The following SYCP1 variants were observed in gnomAD, a reference collection of about 807,000 sequenced individuals.
SYCP1 encodes the protein synaptonemal complex protein 1.
SYCP1 carries 64 observed loss-of-function variants against 153.1 expected under a neutral mutation model. The observed-to-expected ratio is 0.42, with a 90% CI of 0.34 to 0.51. SYCP1 has a LOEUF of 0.51. Among genes scored for constraint, SYCP1 ranks in the 20% least tolerant of loss-of-function variants. SYCP1 has a pLI of 0.06. For missense variants in SYCP1, 997 were observed against 1,049.0 expected, an observed-to-expected ratio of 0.95 and a Z score of 0.68; for synonymous variants, 384 against 341.8, an observed-to-expected ratio of 1.12 and a Z score of -1.36.
chr1:114,859,310 A>G (rs114849469), intron 6 of SYCP1, among the ~76,000 whole-genome samples: 1,622 of 151,440 alleles, frequency 0.011, 28 homozygotes, highest in African/African-American at 0.038. Flanking sequence ...CTGGTCTTGA[A>G]CTCCTAGACC....
At chr1:114,864,685 G>A (rs759375256) in intron 8 of SYCP1, among the ~76,000 whole-genome samples, 4 of 151,576 alleles carry the variant, frequency 2.6e-5, no homozygotes, top group African/African-American at 4.8e-5. Flanking sequence ...ACAGGGTTTC[G>A]CCATGTTGCC....
intron 23 of SYCP1, among the ~76,000 whole-genome samples, chr1:114,932,314 A>G (rs1390053913): frequency 6.6e-6 from 1 of 152,258 alleles, no homozygotes; most frequent in Non-Finnish European, 1.5e-5. Context: ...GACAGATGAC[A>G]TGTATCCAGA....
At chr1:114,895,598 G>A (rs1411652518) in intron 16 of SYCP1, 89 bp downstream of exon 16, 1 of 619,374 alleles carries the variant, frequency 1.6e-6, no homozygotes, top group Non-Finnish European at 2.5e-6. Flanking sequence ...CACTATAGAT[G>A]TTTTATACTA....
intron 11 of SYCP1, 149 bp from the exon 12 acceptor site, chr1:114,877,945 C>A: frequency 2.0e-6 from 1 of 506,020 alleles, no homozygotes; most frequent in Non-Finnish European, 3.6e-6. Flanking sequence ...ACTACATTGG[C>A]TGCCAGGGAG....
intron 16 of SYCP1, among the ~76,000 whole-genome samples, chr1:114,901,593 G>C (rs1477493357): frequency 2.0e-5 from 3 of 152,146 alleles, no homozygotes; most frequent in African/African-American, 4.8e-5. Flanking sequence ...AATGGCAAAG[G>C]CTAGAATAAA....
rs146369737 is a variant in SYCP1, at chr1:114,985,922, A to T, written c.2703+1054A>T. Among the ~76,000 whole-genome samples, 592 of 151,970 alleles carry T rather than the reference A, an allele frequency of 3.9e-3. 7 individuals carry two copies. The highest frequency in any genetic ancestry group is 0.013 in the African/African-American group (544 of 41,544). On this transcript the variant is annotated intron_variant, in intron 30 of 31. Coordinates refer to ENST00000369522, the MANE Select transcript of SYCP1 (RefSeq NM_003176.4). ...CAGGCCAAAAAATTTGAAAAAAAAA[A>T]AAATAAATAACAATTCAGTAGAAAA...
intron 21 of SYCP1, 136 bp downstream of exon 21, chr1:114,923,666 C>A: frequency 1.2e-6 from 1 of 831,910 alleles, no homozygotes; most frequent in Non-Finnish European, 1.7e-6. Flanking sequence ...CAGCCATCAA[C>A]CTTAAATATC....
intron 23 of SYCP1, among the ~76,000 whole-genome samples, chr1:114,934,630 T>C (rs1487277926): frequency 6.6e-6 from 1 of 151,616 alleles, no homozygotes; most frequent in Non-Finnish European, 1.5e-5. Flanking sequence ...GGATAAAGAG[T>C]CAAGACCCAT....
At chr1:114,859,383 G>A (rs766149766) in intron 6 of SYCP1, among the ~76,000 whole-genome samples, 4 of 152,114 alleles carry the variant, frequency 2.6e-5, no homozygotes, top group African/African-American at 4.8e-5. Flanking sequence ...CACTGCTCCC[G>A]GCCGAAACTG....
At chr1:114,917,050 T>G (rs1256707101) in intron 20 of SYCP1, among the ~76,000 whole-genome samples, 4 of 152,110 alleles carry the variant, frequency 2.6e-5, no homozygotes, top group Admixed American at 6.6e-5. Context: ...AAATTATTAT[T>G]GATTATAATC....
chr1:114,871,478 C>A (rs1459717235), intron 8 of SYCP1, among the ~76,000 whole-genome samples: 1 of 151,974 alleles, frequency 6.6e-6, no homozygotes, highest in Non-Finnish European at 1.5e-5. Flanking sequence ...GGCCTCCTCC[C>A]GTCTTTTGTA....
At chr1:114,947,811 C>CAAAAAAAA (rs1174716918) in intron 27 of SYCP1, among the ~76,000 whole-genome samples, 55 of 43,876 alleles carry the variant, frequency 1.3e-3, no homozygotes, top group South Asian at 3.1e-3. Context: ...GACTCCGTCT[C>CAAAAAAAA]AAAAAAAAAA....
intron 30 of SYCP1, among the ~76,000 whole-genome samples, chr1:114,988,410 A>G (rs931161386): frequency 6.6e-6 from 1 of 152,028 alleles, no homozygotes; most frequent in Non-Finnish European, 1.5e-5. Context: ...TGAAAGCAGC[A>G]AGAGAGATGC....
chr1:114,897,079 G>A (rs999729698), intron 16 of SYCP1, among the ~76,000 whole-genome samples: 2 of 152,122 alleles, frequency 1.3e-5, no homozygotes, highest in African/African-American at 4.8e-5. Context: ...CTGGTCGGAG[G>A]TTCTCCGGGG....
intron 16 of SYCP1, among the ~76,000 whole-genome samples, chr1:114,897,660 A>C (rs1667160822): frequency 6.6e-6 from 1 of 152,144 alleles, no homozygotes; most frequent in African/African-American, 2.4e-5. Flanking sequence ...GATAGGAGGA[A>C]AAAGGAAAAA....
rs1372828242 is a variant in SYCP1, at chr1:114,936,462, A to G, written c.1927-7877A>G. ...GCCAATACCATACTGAGTGGGCAAAAACTGGAAGCATTCCCTTTGAAAACA... is the reference window on the plus strand; with the variant it reads ...GCCAATACCATACTGAGTGGGCAAAGACTGGAAGCATTCCCTTTGAAAACA... On this transcript the variant is annotated intron_variant, in intron 23 of 31. Coordinates refer to ENST00000369522, the MANE Select transcript of SYCP1 (RefSeq NM_003176.4). 5.3e-5 allele frequency among the ~76,000 whole-genome samples: 8 copies of G among 152,302 alleles called. No homozygotes were observed. The East Asian group carries it at 1.5e-3, about 29-fold the overall frequency.
At position 114,926,283 on chromosome 1, in the gene SYCP1, C is replaced by A; in HGVS notation, c.1806C>A (p.Asn602Lys). Residue 602 changes from asparagine to lysine, a missense_variant, in exon 22 of 32, where the codon AAC becomes AAA. By Grantham distance (94) the Asn-to-Lys change is moderately conservative. Coordinates refer to ENST00000369522, the MANE Select transcript of SYCP1 (RefSeq NM_003176.4). The stretch of plus-strand genomic sequence containing the variant: ...AATTTCTCACAATTTTTTAGTGTAA[C>A]AATTTAAGGAAACAAGTTGAAAATA... Reference protein sequence around the residue: ...CKLDKSEENCNNLRKQVENKN... With the variant: ...CKLDKSEENCKNLRKQVENKN... 6.6e-7 allele frequency: 1 copy of A among 1,510,182 alleles called. No homozygotes were observed. Among genetic ancestry groups the A allele is most frequent in the Non-Finnish European group, 8.9e-7 (1 of 1,122,838 alleles). The allele number at this position is 1,510,182 out of a possible 1,614,324, so 93.5% of individuals were successfully genotyped here.
At chr1:114,873,055 C>A (rs374698472) in intron 8 of SYCP1, among the ~76,000 whole-genome samples, 1 of 152,092 alleles carries the variant, frequency 6.6e-6, no homozygotes, top group Non-Finnish European at 1.5e-5. Context: ...TCTATTCTTG[C>A]GTGATGTCTA....
chr1:114,956,431 G>A (rs545976057), intron 27 of SYCP1, among the ~76,000 whole-genome samples: 7 of 152,110 alleles, frequency 4.6e-5, no homozygotes, highest in Non-Finnish European at 8.8e-5. Flanking sequence ...CTACACTTAG[G>A]AAACTATTGT....
Sources: allele counts gnomAD v4.1 joint callset (sites outside exome capture counted in the v4.1 genomes callset), GRCh38; gene constraint gnomAD v4.1.1; transcripts MANE v1.5; gene names NCBI Gene and HGNC (gene_info 2026-07-23, HGNC 2026-07-21).